The following NRXN3 variants were observed in gnomAD, a reference collection of about 807,000 sequenced individuals.
NRXN3 encodes the protein neurexin III.
NRXN3 carries 32 observed loss-of-function variants against 137.6 expected under a neutral mutation model. The ratio of observed to expected loss-of-function variants is 0.23; its 90% CI spans 0.18 to 0.31. NRXN3 has a LOEUF of 0.31. Among genes scored for constraint, NRXN3 ranks in the 10% least tolerant of loss-of-function variants. The pLI is 1.00. For missense variants in NRXN3, 1,574 were observed against 2,062.5 expected (o/e 0.76, Z 4.59); for synonymous variants, 798 against 784.5 (o/e 1.02, Z -0.29).
chr14:79,371,726 C>T (rs1380599215), intron 15 of NRXN3, among the ~76,000 whole-genome samples: 2 of 152,002 alleles, frequency 1.3e-5, no homozygotes, highest in African/African-American at 4.8e-5. Context: ...TGGCAGTGAA[C>T]GTATACGTTT....
intron 16 of NRXN3, among the ~76,000 whole-genome samples, chr14:79,521,983 A>G (rs903324717): frequency 2.6e-5 from 4 of 152,248 alleles, no homozygotes; most frequent in Non-Finnish European, 5.9e-5. Flanking sequence ...TGTTGGGAGG[A>G]TGTTTCTATA....
At chr14:78,749,165 ACTT>A (rs772234504) in intron 8 of NRXN3, among the ~76,000 whole-genome samples, 2 of 152,168 alleles carry the variant, frequency 1.3e-5, no homozygotes, top group Non-Finnish European at 2.9e-5. Flanking sequence ...CTGAGCAGTG[ACTT>A]CTTCCTGGCT....
rs374401431 is a variant in NRXN3 at position 78,335,470 on chromosome 14, C to T, written c.757+37610C>T. ...CCAGGCTCCCTTTCTGTCACTCTCC[C>T]CTATCTTGGTGCCTTGCACCTGGCA... On this transcript the variant is annotated intron_variant, in intron 4 of 20. Coordinates refer to ENST00000335750, the MANE Select transcript of NRXN3 (RefSeq NM_001330195.2). 5.3e-5 allele frequency among the ~76,000 whole-genome samples: 8 copies of T among 152,336 alleles called. No homozygotes were observed. The East Asian group carries it at 7.7e-4, about 15-fold the overall frequency.
chr14:79,560,503 G>GTTTTTTT (rs1567504638), intron 16 of NRXN3, among the ~76,000 whole-genome samples: 1 of 39,572 alleles, frequency 2.5e-5, no homozygotes, highest in Non-Finnish European at 5.6e-5. Context: ...AAGATTGTAA[G>GTTTTTTT]CTTTTTTTTT....
chr14:78,927,102 T>C (rs1283514247), intron 10 of NRXN3, among the ~76,000 whole-genome samples: 4 of 127,886 alleles, frequency 3.1e-5, no homozygotes, highest in African/African-American at 1.2e-4. Context: ...CTTCAGTGAG[T>C]CGTGATTGTG....
chr14:78,600,425 C>T (rs908630944), intron 4 of NRXN3, among the ~76,000 whole-genome samples: 1 of 152,214 alleles, frequency 6.6e-6, no homozygotes, highest in Non-Finnish European at 1.5e-5. Context: ...CCATTTAATA[C>T]CGTTCCCAAT....
intron 16 of NRXN3, among the ~76,000 whole-genome samples, chr14:79,644,013 A>C (rs905425416): frequency 7.4e-6 from 1 of 135,752 alleles, no homozygotes; most frequent in African/African-American, 2.4e-5. Context: ...AATTCTTTGC[A>C]CATAGTGTGT....
intron 4 of NRXN3, among the ~76,000 whole-genome samples, chr14:78,359,856 G>C (rs1363708648): frequency 1.3e-5 from 2 of 152,092 alleles, no homozygotes; most frequent in African/African-American, 4.8e-5. Flanking sequence ...GTTGGCAGGT[G>C]GACTCGCTGT....
chr14:78,964,977 C>T (rs954133232), intron 11 of NRXN3, among the ~76,000 whole-genome samples: 7 of 151,920 alleles, frequency 4.6e-5, no homozygotes, highest in Non-Finnish European at 8.8e-5. Flanking sequence ...TTGAAAAAGC[C>T]GGGAGGTGCC....
intron 17 of NRXN3, 50 bp downstream of exon 17, chr14:79,663,999 C>T (rs755130808): frequency 8.9e-6 from 14 of 1,576,940 alleles, no homozygotes; most frequent in Non-Finnish European, 1.1e-5. Flanking sequence ...CTCCCATTCT[C>T]ACTTTTCAGT....
intron 4 of NRXN3, among the ~76,000 whole-genome samples, chr14:78,587,033 G>C (rs2097070975): frequency 6.6e-6 from 1 of 152,144 alleles, no homozygotes; most frequent in Non-Finnish European, 1.5e-5. Flanking sequence ...GCTTGAAGAG[G>C]GGAGTTAGAT....
chr14:78,723,099 T>C (rs999086150), intron 8 of NRXN3, among the ~76,000 whole-genome samples: 2 of 152,156 alleles, frequency 1.3e-5, no homozygotes, highest in Non-Finnish European at 2.9e-5. Flanking sequence ...CAGCCAGCCA[T>C]GAAACACTTT....
chr14:79,470,947 AGAGAGTGTGTGTGTGTGTGTGT>A (rs1386704312), intron 16 of NRXN3, among the ~76,000 whole-genome samples: 7 of 102,730 alleles, frequency 6.8e-5, no homozygotes, highest in South Asian at 7.3e-4. Context: ...AGAAAGAGAG[AGAGAGTGTGTGTGTGTGTGTGT>A]GTGTGTGTGT....
chr14:79,265,845 C>G (rs2078387565), intron 15 of NRXN3, among the ~76,000 whole-genome samples: 1 of 152,166 alleles, frequency 6.6e-6, no homozygotes, highest in Admixed American at 6.5e-5. Flanking sequence ...CCTCCCATCT[C>G]TCTTCTACCA....
chr14:78,318,447 T>C (rs1222702758), intron 4 of NRXN3, among the ~76,000 whole-genome samples: 1 of 152,194 alleles, frequency 6.6e-6, no homozygotes, highest in Non-Finnish European at 1.5e-5. Flanking sequence ...GGCAGCCCTC[T>C]AGTCTCAAGT....
intron 8 of NRXN3, among the ~76,000 whole-genome samples, chr14:78,761,130 A>G (rs538822142): frequency 3.2e-4 from 48 of 152,338 alleles, no homozygotes; most frequent in African/African-American, 1.2e-3. Flanking sequence ...TTCATGGAGA[A>G]TTCAGCTAGA....
chr14:79,467,457 T>C, intron 16 of NRXN3, 55 bp downstream of exon 16: 1 of 1,473,140 alleles, frequency 6.8e-7, no homozygotes, highest in South Asian at 1.3e-5. Context: ...TCTGAGTTAG[T>C]GATTCAGGTA....
intron 15 of NRXN3, among the ~76,000 whole-genome samples, chr14:79,273,416 C>T (rs941839765): frequency 2.0e-4 from 31 of 151,810 alleles, no homozygotes; most frequent in South Asian, 2.1e-4. Flanking sequence ...GAGCGGATCA[C>T]GAGGTCAGGA....
At chr14:78,721,798 T>C (rs1448354788) in intron 8 of NRXN3, among the ~76,000 whole-genome samples, 1 of 152,190 alleles carries the variant, frequency 6.6e-6, no homozygotes, top group Non-Finnish European at 1.5e-5. Flanking sequence ...AGAAAGGGGC[T>C]TCCCAAGAAA....
Sources: allele counts gnomAD v4.1 joint callset (sites outside exome capture counted in the v4.1 genomes callset), GRCh38; gene constraint gnomAD v4.1.1; transcripts MANE v1.5; gene names NCBI Gene and HGNC (gene_info 2026-07-23, HGNC 2026-07-21).